The following MCF2L2 variants were observed in gnomAD, a reference collection of about 807,000 sequenced individuals.
The protein encoded by MCF2L2 is MCF.2 cell line derived transforming sequence-like 2, also known as probable guanine nucleotide exchange factor MCF2L2.
A neutral mutation model predicts 150.2 loss-of-function variants in MCF2L2; 102 were observed. The observed-to-expected ratio is 0.68, with a 90% CI of 0.58 to 0.80. The LOEUF (loss-of-function observed/expected upper bound fraction) is 0.80, where lower values mean the gene tolerates loss of function less well. Ranked by LOEUF, MCF2L2 falls within the 30% of genes least tolerant of loss-of-function variation. The pLI is 0.00. For synonymous variants in MCF2L2, 465 were observed against 491.3 expected (o/e 0.95, Z 0.71); for missense variants, 1,256 against 1,372.8 (o/e 0.91, Z 1.34).
intron 15 of MCF2L2, among the ~76,000 whole-genome samples, chr3:183,245,262 A>G (rs1344830480): frequency 6.6e-6 from 1 of 152,222 alleles, no homozygotes; most frequent in African/African-American, 2.4e-5. Context: ...AGAAACAGAA[A>G]GGAGAAGGGG....
chr3:183,379,334 AG>A lies in MCF2L2; in HGVS notation c.237del (p.Phe80SerfsTer2), dbSNP rs756497998. On this transcript the variant is annotated frameshift_variant, in exon 3 of 30. Transcript: ENST00000328913. LOFTEE classifies it high-confidence loss of function. ...FSGFKHIPDE[D>X]FLNVMTYLTS... The stretch of plus-strand genomic sequence containing the variant: ...GTCAGGTAGGTCATGACATTCAGGA[AG>A]TCTTCATCTGGGATGTGTTTGAACC... The A allele has an allele frequency of 1.9e-6, 3 of 1,611,220 alleles. No individual in the cohort carries two copies. Among genetic ancestry groups the A allele is most frequent in the Non-Finnish European group, 2.5e-6 (3 of 1,178,824 alleles).
At chr3:183,255,460 C>T (rs574687131) in intron 15 of MCF2L2, among the ~76,000 whole-genome samples, 2 of 152,330 alleles carry the variant, frequency 1.3e-5, no homozygotes, top group East Asian at 3.9e-4. Context: ...CCTTCTCACT[C>T]TTCCTTATCC....
At chr3:183,322,989 A>G (rs1333701568) in intron 6 of MCF2L2, among the ~76,000 whole-genome samples, 2 of 152,172 alleles carry the variant, frequency 1.3e-5, no homozygotes, top group Non-Finnish European at 2.9e-5. Flanking sequence ...TCCCAGGTGC[A>G]TTCGAAGGTA....
At chr3:183,338,984 C>T (rs369142969) in intron 4 of MCF2L2, 65 bp from the exon 5 acceptor site, 8 of 1,517,142 alleles carry the variant, frequency 5.3e-6, no homozygotes, top group African/African-American at 2.7e-5. Context: ...CCAGGGTCTA[C>T]TTTGGTCTCC....
chr3:183,294,357 G>A (rs977736244), intron 13 of MCF2L2, among the ~76,000 whole-genome samples: 2 of 151,760 alleles, frequency 1.3e-5, no homozygotes, highest in South Asian at 2.1e-4. Context: ...TGTTGTTGTT[G>A]TTGTTGTTGT....
At chr3:183,386,137 G>C (rs1713818592) in intron 2 of MCF2L2, among the ~76,000 whole-genome samples, 1 of 152,180 alleles carries the variant, frequency 6.6e-6, no homozygotes, top group African/African-American at 2.4e-5. Context: ...ACCATGCTGA[G>C]TGAAACTTTT....
chr3:183,207,548 A>G, intron 23 of MCF2L2, 60 bp downstream of exon 23: 1 of 1,336,274 alleles, frequency 7.5e-7, no homozygotes, highest in Non-Finnish European at 1.1e-6. Flanking sequence ...TAAAATAAGG[A>G]AAACGATCTC....
At chr3:183,184,960 A>G (rs1431784132) in intron 27 of MCF2L2, among the ~76,000 whole-genome samples, 1 of 148,922 alleles carries the variant, frequency 6.7e-6, no homozygotes, top group African/African-American at 2.5e-5. Flanking sequence ...CTCTATTGCC[A>G]GGCTGGAGTG....
chr3:183,261,544 A>G (rs1004020219), intron 15 of MCF2L2, among the ~76,000 whole-genome samples: 2 of 152,190 alleles, frequency 1.3e-5, no homozygotes, highest in African/African-American at 2.4e-5. Flanking sequence ...GAGGAGCCTT[A>G]TATAGTCTAC....
intron 3 of MCF2L2, among the ~76,000 whole-genome samples, chr3:183,358,190 C>T (rs978519101): frequency 2.0e-5 from 3 of 152,098 alleles, no homozygotes; most frequent in African/African-American, 7.2e-5. Flanking sequence ...ACTTGGGAGG[C>T]TGAGGCAGGA....
chr3:183,368,693 G>C (rs1297006287), intron 3 of MCF2L2, among the ~76,000 whole-genome samples: 3 of 152,174 alleles, frequency 2.0e-5, no homozygotes, highest in Admixed American at 6.5e-5. Flanking sequence ...GAACCCAAGA[G>C]GCAGAGGTTG....
Position 183,277,459 on chromosome 3 carries a change from C to CT in MCF2L2, c.1777-503dup, listed in dbSNP as rs78674214. Reference sequence around the variant, plus strand: ...AAGCGATCACTGCATTCAACATCTCCTTTTTTTTTTTCTTGTAAGAAATCA... The same window carrying CT: ...AAGCGATCACTGCATTCAACATCTCCTTTTTTTTTTTTCTTGTAAGAAATCA... On this transcript the variant is annotated intron_variant, in intron 14 of 29. Transcript: ENST00000328913. 4.5e-3 allele frequency among the ~76,000 whole-genome samples: 652 copies of CT among 146,408 alleles called. 2 individuals carry two copies. The highest frequency in any genetic ancestry group is 7.0e-3 in the Middle Eastern group (2 of 284).
intron 15 of MCF2L2, among the ~76,000 whole-genome samples, chr3:183,248,059 A>G (rs1359299862): frequency 6.6e-6 from 1 of 152,198 alleles, no homozygotes; most frequent in Non-Finnish European, 1.5e-5. Context: ...CTTTTTGCAG[A>G]TCTATTTGTG....
intron 14 of MCF2L2, among the ~76,000 whole-genome samples, chr3:183,284,134 T>C (rs952202029): frequency 1.3e-5 from 2 of 152,186 alleles, no homozygotes; most frequent in Admixed American, 1.3e-4. Flanking sequence ...CATTTCTTTA[T>C]TGGTGAAAGA....
At chr3:183,214,814 G>A (rs1249843745) in intron 22 of MCF2L2, among the ~76,000 whole-genome samples, 2 of 148,668 alleles carry the variant, frequency 1.3e-5, no homozygotes, top group South Asian at 2.1e-4. Flanking sequence ...GAGAAGCCCC[G>A]TCTCTACTAA....
chr3:183,415,207 C>T (rs1361943161), intron 1 of MCF2L2, among the ~76,000 whole-genome samples: 4 of 150,370 alleles, frequency 2.7e-5, no homozygotes, highest in Middle Eastern at 3.4e-3. Flanking sequence ...TTTTTTGAGA[C>T]GGAGTCTCGT....
At chr3:183,315,136 C>G (rs1201760177) in intron 7 of MCF2L2, among the ~76,000 whole-genome samples, 1 of 150,732 alleles carries the variant, frequency 6.6e-6, no homozygotes, top group Non-Finnish European at 1.5e-5. Context: ...GGGGTTTCAC[C>G]ATGTTGGCCA....
At chr3:183,330,027 G>A (rs1413316907) in intron 5 of MCF2L2, among the ~76,000 whole-genome samples, 1 of 151,874 alleles carries the variant, frequency 6.6e-6, no homozygotes, top group African/African-American at 2.4e-5. Context: ...TTGAGCCCAG[G>A]AGTTCAAGGC....
At chr3:183,345,005 T>C (rs1236517359) in intron 3 of MCF2L2, among the ~76,000 whole-genome samples, 1 of 151,804 alleles carries the variant, frequency 6.6e-6, no homozygotes, top group Non-Finnish European at 1.5e-5. Flanking sequence ...CAGTCAATAT[T>C]AGATGGATTC....
Sources: allele counts gnomAD v4.1 joint callset (sites outside exome capture counted in the v4.1 genomes callset), GRCh38; gene constraint gnomAD v4.1.1; transcripts MANE v1.5; gene names NCBI Gene and HGNC (gene_info 2026-07-23, HGNC 2026-07-21).